Variants in NCK1 observed in about 807,000 individuals in gnomAD.
The protein encoded by NCK1 is NCK adaptor protein 1.
NCK1 carries 19 observed loss-of-function variants against 36.6 expected under a neutral mutation model. The observed-to-expected ratio is 0.52, with a 90% CI of 0.36 to 0.76. NCK1 has a LOEUF of 0.76. Ranked by LOEUF, NCK1 falls within the 30% of genes least tolerant of loss-of-function variation. NCK1 has a pLI of 0.00. For missense variants in NCK1, 358 were observed against 445.6 expected, an observed-to-expected ratio of 0.80 and a Z score of 1.77; for synonymous variants, 165 against 156.0, an observed-to-expected ratio of 1.06 and a Z score of -0.43.
At chr3:136,893,191 T>TACACACACACACAC (rs1204636247) in intron 1 of NCK1, among the ~76,000 whole-genome samples, 4 of 38,828 alleles carry the variant, frequency 1.0e-4, no homozygotes, top group South Asian at 1.3e-3. Context: ...TATATATATA[T>TACACACACACACAC]ACACACATGT....
rs546634519 is a variant in NCK1, at chr3:136,866,613, TTTC to T, written c.-19+4266_-19+4268del. 1.4e-3 allele frequency among the ~76,000 whole-genome samples: 206 copies of T among 146,642 alleles called. 1 individual carries two copies. The highest frequency in any genetic ancestry group is 5.1e-3 in the African/African-American group (201 of 39,492). Reference sequence around the variant, plus strand: ...TGAGCCACTGTGCCTGGCCTCTTTCTTTCTTCTTTTTTTTTTTCTTTGAGGCGT... The same window carrying T: ...TGAGCCACTGTGCCTGGCCTCTTTCTTTCTTTTTTTTTTTCTTTGAGGCGT... On this transcript the variant is annotated intron_variant, in intron 1 of 3. Coordinates refer to ENST00000481752, the MANE Select transcript of NCK1 (RefSeq NM_001291999.2).
In NCK1 at chr3:136,948,533, T is replaced by A; in HGVS notation, c.*80T>A. On this transcript the variant is annotated 3_prime_UTR_variant, in exon 4 of 4. Coordinates refer to ENST00000481752, the MANE Select transcript of NCK1 (RefSeq NM_001291999.2). ...ACTGAGAAAATGTTGGGTCCAGTCG[T>A]GCTTGATTGGAAATTGTTGTTTCTA... The A allele has an allele frequency of 8.1e-7, 1 of 1,237,120 alleles. No individual in the cohort carries two copies. The highest frequency in any genetic ancestry group is 1.1e-6 in the Non-Finnish European group (1 of 880,486). 76.6% of individuals were successfully genotyped at this position (1,237,120 alleles called of 1,614,324 possible).
chr3:136,871,887 G>A (rs1938631319), intron 1 of NCK1, among the ~76,000 whole-genome samples: 1 of 152,164 alleles, frequency 6.6e-6, no homozygotes, highest in South Asian at 2.1e-4. Flanking sequence ...CGCCATGTGA[G>A]AAGACATGCC....
intron 1 of NCK1, among the ~76,000 whole-genome samples, chr3:136,909,448 A>G (rs527923301): frequency 6.6e-6 from 1 of 152,340 alleles, no homozygotes; most frequent in East Asian, 1.9e-4. Context: ...TACAAAATGA[A>G]ACAAGGCTGT....
chr3:136,928,350 T>A, intron 2 of NCK1, 123 bp downstream of exon 2: 1 of 902,464 alleles, frequency 1.1e-6, no homozygotes. Context: ...TAGGTAAGTT[T>A]GAGTCATAGC....
At chr3:136,940,351 C>G (rs1055254157) in intron 2 of NCK1, among the ~76,000 whole-genome samples, 1 of 152,098 alleles carries the variant, frequency 6.6e-6, no homozygotes, top group Non-Finnish European at 1.5e-5. Flanking sequence ...TTAGTTCTGT[C>G]CCTTACAGAA....
chr3:136,870,724 C>G (rs1182561919), intron 1 of NCK1, among the ~76,000 whole-genome samples: 2 of 143,986 alleles, frequency 1.4e-5, no homozygotes, highest in African/African-American at 5.1e-5. Context: ...TGAGGTCTTG[C>G]ATGATTTGGC....
intron 1 of NCK1, among the ~76,000 whole-genome samples, chr3:136,896,337 A>G (rs769954528): frequency 9.9e-5 from 15 of 152,006 alleles, no homozygotes; most frequent in South Asian, 2.1e-4. Flanking sequence ...TCTACTGTCT[A>G]CCTCCATGAG....
Position 136,881,243 on chromosome 3 carries a change from G to A in NCK1, c.-19+18890G>A, listed in dbSNP as rs560636254. ...TATTTTATTTAATTTTTTTTGAGAT[G>A]GAGTCTCACTCTGTCACCCAGGCTG... On this transcript the variant is annotated intron_variant, in intron 1 of 3. Transcript: ENST00000481752. Among the ~76,000 whole-genome samples, 22 of 151,978 alleles carry A rather than the reference G, an allele frequency of 1.4e-4. 1 individual carries two copies. In the South Asian group the frequency reaches 4.4e-3, roughly 30 times the overall value.
At chr3:136,871,405 CAA>C (rs977510641) in intron 1 of NCK1, among the ~76,000 whole-genome samples, 79 of 152,012 alleles carry the variant, frequency 5.2e-4, no homozygotes, top group Middle Eastern at 3.4e-3. Context: ...CTAAAAAAAA[CAA>C]AATTAAAAAT....
chr3:136,892,050 C>A (rs2108089812), intron 1 of NCK1, among the ~76,000 whole-genome samples: 2 of 151,858 alleles, frequency 1.3e-5, no homozygotes, highest in Admixed American at 1.3e-4. Flanking sequence ...CACTGCTTGG[C>A]TCATTTATTT....
Position 136,928,354 on chromosome 3 carries a change from T to G in NCK1, c.226+127T>G, listed in dbSNP as rs1249543170. On this transcript the variant is annotated intron_variant, in intron 2 of 3. Coordinates refer to ENST00000481752, the MANE Select transcript of NCK1 (RefSeq NM_001291999.2). ...AAGGCAAGGGCTAGGTAAGTTTGAG[T>G]CATAGCAGGTGGTCAACCCAGAAGA... 1.7e-4 allele frequency: 141 copies of G among 848,934 alleles called. No individual in the cohort carries two copies. In the African/African-American group the frequency reaches 2.0e-3, roughly 12 times the overall value. 52.6% of individuals were successfully genotyped at this position (848,934 alleles called of 1,614,324 possible).
At position 136,864,039 on chromosome 3, in the gene NCK1, T is replaced by G. The variant is rs370612598; in HGVS notation, c.-19+1686T>G. 3.3e-5 allele frequency among the ~76,000 whole-genome samples: 5 copies of G among 151,668 alleles called. No individual in the cohort carries two copies. The East Asian group carries it at 9.8e-4, about 30-fold the overall frequency. On this transcript the variant is annotated intron_variant, in intron 1 of 3. Transcript: ENST00000481752. ...TGGCGTGAACCCGGGAGGCGGAGCT[T>G]GCAGTGAGCCGAGATCGCGCCACTG...
chr3:136,899,419 C>CTTTTT, intron 1 of NCK1: 1 of 199,408 alleles, frequency 5.0e-6, no homozygotes, highest in Non-Finnish European at 1.0e-5. Flanking sequence ...CATTTCTTTT[C>CTTTTT]TTTTTTTTTT....
At chr3:136,864,925 T>C (rs1288785173) in intron 1 of NCK1, among the ~76,000 whole-genome samples, 2 of 149,860 alleles carry the variant, frequency 1.3e-5, no homozygotes, top group South Asian at 2.1e-4. Flanking sequence ...GCCTAGCTAA[T>C]TTTTTTGTAT....
rs1940918296 is a variant in NCK1 at position 136,949,480 on chromosome 3, A to ATG, written c.*1028_*1029dup. ...CCTGAGGAAAAAATAGAATGTGCTCATGGTTAGGGAAAATTATATTATTTT... is the reference window on the plus strand; with the variant it reads ...CCTGAGGAAAAAATAGAATGTGCTCATGTGGTTAGGGAAAATTATATTATTTT... On this transcript the variant is annotated 3_prime_UTR_variant, in exon 4 of 4. Transcript: ENST00000481752. The ATG allele has an allele frequency of 6.6e-6, 1 of 152,044 alleles. No individual in the cohort carries two copies. The highest frequency in any genetic ancestry group is 1.5e-5 in the Non-Finnish European group (1 of 67,908). 9.4% of individuals were successfully genotyped at this position (152,044 alleles called of 1,614,324 possible).
intron 2 of NCK1, 79 bp downstream of exon 2, chr3:136,928,306 G>A: frequency 7.4e-7 from 1 of 1,352,234 alleles, no homozygotes; most frequent in African/African-American, 1.5e-5. Flanking sequence ...AATTCTGGCA[G>A]CAGTGTGCAT....
intron 2 of NCK1, among the ~76,000 whole-genome samples, chr3:136,944,618 C>T (rs942723918): frequency 1.3e-5 from 2 of 152,028 alleles, no homozygotes; most frequent in Middle Eastern, 3.2e-3. Context: ...ACAAGGATGT[C>T]GAGAGTCCCA....
chr3:136,922,634 A>G (rs1438508620), intron 1 of NCK1, among the ~76,000 whole-genome samples: 1 of 152,250 alleles, frequency 6.6e-6, no homozygotes, highest in African/African-American at 2.4e-5. Context: ...CAACTCTGAA[A>G]TACTATTTCT....
Sources: allele counts gnomAD v4.1 joint callset (sites outside exome capture counted in the v4.1 genomes callset), GRCh38; gene constraint gnomAD v4.1.1; transcripts MANE v1.5; gene names NCBI Gene and HGNC (gene_info 2026-07-23, HGNC 2026-07-21).